Variants in CDK17 observed in about 807,000 individuals in gnomAD.
CDK17 encodes cyclin dependent kinase 17, also known as cyclin-dependent kinase 17.
CDK17 carries 24 observed loss-of-function variants against 77.6 expected under a neutral mutation model. That is an observed-to-expected ratio of 0.31 (90% CI 0.22 to 0.44). The LOEUF is 0.44. Among genes scored for constraint, CDK17 ranks in the 20% least tolerant of loss-of-function variants. CDK17 has a pLI of 1.00. For synonymous variants in CDK17, 203 were observed against 210.4 expected (o/e 0.96, Z 0.30); for missense variants, 429 against 622.5 (o/e 0.69, Z 3.31).
In CDK17 at chr12:96,286,084, A is replaced by T; in HGVS notation, c.1281T>A (p.Phe427Leu). Residue 427 changes from phenylalanine to leucine, a missense_variant, in exon 13 of 17, where the codon TTT (phenylalanine) becomes TTA (leucine). Coordinates refer to ENST00000261211, the MANE Select transcript of CDK17 (RefSeq NM_002595.5). ...TTAGAGGCTGTGGTTTATATTTTGG[A>T]AAGTTGTAGTTCTTGAACTCCTCAT... is the stretch of plus-strand genomic sequence containing the variant. ...SSNEEFKNYN[F>L]PKYKPQPLIN... is the part of the protein sequence containing the mutation. The T allele has an allele frequency of 1.3e-6, 2 of 1,558,458 alleles. No individual in the cohort carries two copies. The highest frequency in any genetic ancestry group is 1.7e-6 in the Non-Finnish European group (2 of 1,149,782).
At position 96,400,124 on chromosome 12, in the gene CDK17, C is replaced by T. The variant is rs1269702574; in HGVS notation, c.-168G>A. The T allele has an allele frequency of 2.5e-6, 1 of 393,268 alleles. No homozygotes were observed. The highest frequency in any genetic ancestry group is 2.1e-5 in the African/African-American group (1 of 48,342). 24.4% of individuals were successfully genotyped at this position (393,268 alleles called of 1,614,324 possible). ...GACGTGAGGCGCTTCCGAGCGCAGG[C>T]CTCCGCCGCCACAGCCGCCTTCCGG... is the stretch of plus-strand genomic sequence containing the variant. On this transcript the variant is annotated 5_prime_UTR_variant, in exon 1 of 17. Coordinates refer to ENST00000261211, the MANE Select transcript of CDK17 (RefSeq NM_002595.5).
rs78104762 is a variant in CDK17 at position 96,365,629 on chromosome 12, G to A, written c.-29-30764C>T. Among the ~76,000 whole-genome samples, 1,166 of 152,346 alleles carry A rather than the reference G, an allele frequency of 7.7e-3. 16 individuals are homozygous for A. Among genetic ancestry groups the A allele is most frequent in the African/African-American group, 0.027 (1,120 of 41,584 alleles). ...AAAACTACACCTAAAAGCAATTTTA[G>A]CAATATCAAATTATATGAAAGTTAA... is the stretch of plus-strand genomic sequence containing the variant. On this transcript the variant is annotated intron_variant, in intron 1 of 16. Coordinates refer to ENST00000261211, the MANE Select transcript of CDK17 (RefSeq NM_002595.5).
rs967943975 is a variant in CDK17 at position 96,280,099 on chromosome 12, T to C, written c.*143A>G. On this transcript the variant is annotated 3_prime_UTR_variant, in exon 17 of 17. Transcript: ENST00000261211. ...CAAATATAAAAACAATCTGTAGGTC[T>C]GAAATAAAAAGACTCCACTGTGAAG... The C allele has an allele frequency of 6.4e-5, 48 of 749,678 alleles. No individual in the cohort carries two copies. In the African/African-American group the frequency reaches 8.4e-4, roughly 13 times the overall value. The allele number at this position is 749,678 out of a possible 1,614,324, so 46.4% of individuals were successfully genotyped here.
rs147959794 is a variant in CDK17 at position 96,349,815 on chromosome 12, T to C, written c.-29-14950A>G. On this transcript the variant is annotated intron_variant, in intron 1 of 16. Transcript: ENST00000261211. Reference sequence around the variant, plus strand: ...AAATATAAGGCAGCCAAATAGGAAATGAAAAAATAAAACTATCCCTATTTA... The same window carrying C: ...AAATATAAGGCAGCCAAATAGGAAACGAAAAAATAAAACTATCCCTATTTA... 3.0e-3 allele frequency among the ~76,000 whole-genome samples: 463 copies of C among 151,898 alleles called. 11 individuals carry two copies. The highest frequency in any genetic ancestry group is 0.03 in the East Asian group (156 of 5,168).
chr12:96,357,309 A>T (rs7958080), intron 1 of CDK17, among the ~76,000 whole-genome samples: 32,814 of 151,922 alleles, frequency 0.22, 4,420 homozygotes, highest in Middle Eastern at 0.32. Context: ...AAAAAAATTT[A>T]AAAATAGCCA....
intron 1 of CDK17, among the ~76,000 whole-genome samples, chr12:96,379,458 G>A (rs1176641796): frequency 6.6e-6 from 1 of 151,550 alleles, no homozygotes; most frequent in Non-Finnish European, 1.5e-5. Flanking sequence ...AGGGTCTCAA[G>A]TCTGTCCCCC....
At chr12:96,374,787 G>A (rs1953752175) in intron 1 of CDK17, among the ~76,000 whole-genome samples, 1 of 152,154 alleles carries the variant, frequency 6.6e-6, no homozygotes, top group Non-Finnish European at 1.5e-5. Context: ...GTCATGAGAA[G>A]AGCCCATCAG....
At chr12:96,313,047 T>C (rs1006187865) in intron 4 of CDK17, among the ~76,000 whole-genome samples, 19 of 152,184 alleles carry the variant, frequency 1.2e-4, no homozygotes, top group African/African-American at 4.1e-4. Context: ...TTCTCCTTAA[T>C]GGATAACCTA....
intron 1 of CDK17, among the ~76,000 whole-genome samples, chr12:96,344,827 G>A (rs1330290354): frequency 6.6e-6 from 1 of 151,998 alleles, no homozygotes; most frequent in African/African-American, 2.4e-5. Flanking sequence ...TTATTTTATT[G>A]TTGTTGTTTT....
chr12:96,349,535 CAA>C (rs34417608), intron 1 of CDK17, among the ~76,000 whole-genome samples: 169 of 106,056 alleles, frequency 1.6e-3, no homozygotes, highest in African/African-American at 2.9e-3. Flanking sequence ...ATTGATTTAG[CAA>C]AAAAAAAAAA....
At chr12:96,349,273 G>A (rs1953274603) in intron 1 of CDK17, among the ~76,000 whole-genome samples, 1 of 152,116 alleles carries the variant, frequency 6.6e-6, no homozygotes, top group South Asian at 2.1e-4. Flanking sequence ...GGACAACATG[G>A]TGAAACCCCG....
At chr12:96,342,340 T>C (rs188620144) in intron 1 of CDK17, among the ~76,000 whole-genome samples, 1 of 152,352 alleles carries the variant, frequency 6.6e-6, no homozygotes, top group East Asian at 1.9e-4. Context: ...GAATAACCAG[T>C]GTTTAAAACT....
rs556287069 is a variant in CDK17, at chr12:96,383,862, A to G, written c.-30+16124T>C. Among the ~76,000 whole-genome samples the G allele has an allele frequency of 3.3e-5, 5 of 152,340 alleles. No homozygotes were observed. The East Asian group carries it at 9.6e-4, about 29-fold the overall frequency. ...AGACATCAGCATTGGCAAAGAATTT[A>G]TGGCTAAGTCCCCAAAAACAATTGC... On this transcript the variant is annotated intron_variant, in intron 1 of 16. Coordinates refer to ENST00000261211, the MANE Select transcript of CDK17 (RefSeq NM_002595.5).
chr12:96,325,143 C>T (rs1952876167), intron 2 of CDK17, among the ~76,000 whole-genome samples: 1 of 152,214 alleles, frequency 6.6e-6, no homozygotes, highest in South Asian at 2.1e-4. Context: ...TTGTGATACA[C>T]AATTAGTCTT....
At chr12:96,332,717 G>A (rs1952989739) in intron 2 of CDK17, among the ~76,000 whole-genome samples, 2 of 152,098 alleles carry the variant, frequency 1.3e-5, no homozygotes, top group Admixed American at 6.5e-5. Flanking sequence ...ACGTCTTGAA[G>A]TATTACTTCA....
intron 1 of CDK17, among the ~76,000 whole-genome samples, chr12:96,350,642 T>C (rs1953296020): frequency 6.6e-6 from 1 of 152,074 alleles, no homozygotes; most frequent in Non-Finnish European, 1.5e-5. Context: ...ATTTAGCAAA[T>C]GGTGCTGGGA....
At chr12:96,314,081 G>C (rs1042468923) in intron 3 of CDK17, among the ~76,000 whole-genome samples, 8 of 152,108 alleles carry the variant, frequency 5.3e-5, no homozygotes, top group East Asian at 3.8e-4. Context: ...TCAAAAATCT[G>C]TTCAGAGCAA....
chr12:96,388,926 G>A (rs190382561), intron 1 of CDK17, among the ~76,000 whole-genome samples: 148 of 152,130 alleles, frequency 9.7e-4, no homozygotes, highest in South Asian at 1.5e-3. Flanking sequence ...TAAAACAACC[G>A]ATCTCACATG....
intron 1 of CDK17, among the ~76,000 whole-genome samples, chr12:96,367,278 G>C (rs989748000): frequency 6.8e-6 from 1 of 146,722 alleles, no homozygotes; most frequent in Non-Finnish European, 1.5e-5. Context: ...CTAGGAGGTG[G>C]AGGTTGCAGT....
Sources: gnomAD v4.1 joint callset for allele counts (sites outside exome capture counted in the v4.1 genomes callset) on GRCh38, gnomAD v4.1.1 for gene constraint, MANE v1.5 for transcripts, NCBI Gene and HGNC (gene_info 2026-07-23, HGNC 2026-07-21) for gene names.